The following DCC variants were observed in gnomAD, a reference collection of about 807,000 sequenced individuals.
DCC encodes the protein netrin receptor DCC.
DCC carries 58 observed loss-of-function variants against 172.5 expected under a neutral mutation model. The observed-to-expected ratio is 0.34, with a 90% CI of 0.27 to 0.42. The LOEUF is 0.42. Among genes scored for constraint, DCC ranks in the 10% least tolerant of loss-of-function variants. The pLI, the probability that DCC is intolerant of heterozygous loss-of-function variation, is 1.00. For missense variants in DCC, 1,740 were observed against 1,791.0 expected (o/e 0.97, Z 0.51); for synonymous variants, 709 against 644.5 (o/e 1.10, Z -1.52).
chr18:53,253,649 A>T (rs538257956), intron 12 of DCC, among the ~76,000 whole-genome samples: 1 of 152,216 alleles, frequency 6.6e-6, no homozygotes, highest in Admixed American at 6.6e-5. Flanking sequence ...TCTGTCAATT[A>T]TGTCATATTG....
At chr18:52,652,711 A>AGTGTGTGTGTGTGTGTGTGTGTGTGTGT (rs71175513) in intron 1 of DCC, among the ~76,000 whole-genome samples, 55 of 143,438 alleles carry the variant, frequency 3.8e-4, no homozygotes, top group African/African-American at 1.4e-3. Context: ...ACTGCAATAA[A>AGTGTGTGTGTGTGTGTGTGTGTGTGTGT]GTGTGTGTGT....
intron 15 of DCC, among the ~76,000 whole-genome samples, chr18:53,352,833 C>T (rs2057828561): frequency 1.3e-5 from 2 of 151,948 alleles, no homozygotes; most frequent in African/African-American, 4.8e-5. Context: ...GAATTTTTTT[C>T]TAAGTTTCTG....
At chr18:52,780,268 G>T (rs76093543) in intron 2 of DCC, among the ~76,000 whole-genome samples, 8,045 of 152,134 alleles carry the variant, frequency 0.053, 285 homozygotes, top group South Asian at 0.16. Flanking sequence ...GCTCAATTCT[G>T]TGCAATTCTA....
At chr18:52,637,080 A>C (rs2034795567) in intron 1 of DCC, among the ~76,000 whole-genome samples, 2 of 152,172 alleles carry the variant, frequency 1.3e-5, no homozygotes, top group African/African-American at 4.8e-5. Flanking sequence ...CAATCACTAC[A>C]TTTTGGCTCA....
chr18:52,774,156 A>G (rs955638707), intron 2 of DCC, among the ~76,000 whole-genome samples: 3 of 152,232 alleles, frequency 2.0e-5, no homozygotes, highest in Non-Finnish European at 4.4e-5. Context: ...ATCATCTGGG[A>G]ACTTGTTAAA....
At chr18:53,306,348 C>G (rs73957145) in intron 13 of DCC, among the ~76,000 whole-genome samples, 1 of 152,060 alleles carries the variant, frequency 6.6e-6, no homozygotes, top group Non-Finnish European at 1.5e-5. Context: ...TCCTAGAAAA[C>G]AGAATGAGGC....
chr18:53,535,740 A>G lies in DCC; in HGVS notation c.*5087A>G, dbSNP rs1255898599. The G allele has an allele frequency of 2.6e-5, 4 of 152,242 alleles. No homozygotes were observed. The highest frequency in any genetic ancestry group is 6.5e-5 in the Admixed American group (1 of 15,290). The allele number at this position is 152,242 out of a possible 1,614,324, so 9.4% of individuals were successfully genotyped here. A position where few individuals can be genotyped will look rare whatever the true frequency, so the allele number is the denominator to read the frequency against. The stretch of plus-strand genomic sequence containing the variant: ...TCTACAAGAAAGGAAACTTGCTTAC[A>G]GTTTAAAACAATGACTGTTTCTACA... On this transcript the variant is annotated 3_prime_UTR_variant, in exon 29 of 29. Coordinates refer to ENST00000442544, the MANE Select transcript of DCC (RefSeq NM_005215.4).
chr18:52,955,042 C>A (rs1200870882), intron 5 of DCC, among the ~76,000 whole-genome samples: 1 of 152,086 alleles, frequency 6.6e-6, no homozygotes. Flanking sequence ...ATCAATAAAC[C>A]TATATTGAGA....
intron 7 of DCC, among the ~76,000 whole-genome samples, chr18:53,083,497 TTAGATTCATC>T (rs2042835135): frequency 6.6e-6 from 1 of 152,178 alleles, no homozygotes; most frequent in Non-Finnish European, 1.5e-5. Flanking sequence ...TGACTATTTG[TTAGATTCATC>T]TAAGGAACAG....
intron 12 of DCC, among the ~76,000 whole-genome samples, chr18:53,265,052 G>A (rs1337210252): frequency 6.6e-6 from 1 of 152,260 alleles, no homozygotes; most frequent in Middle Eastern, 3.4e-3. Context: ...GAAAGCAACC[G>A]TACACTTTTG....
At chr18:52,400,620 T>C (rs950078707) in intron 1 of DCC, among the ~76,000 whole-genome samples, 1 of 152,078 alleles carries the variant, frequency 6.6e-6, no homozygotes, top group Non-Finnish European at 1.5e-5. Context: ...TTATAAATCA[T>C]TCTACTATAA....
intron 22 of DCC, among the ~76,000 whole-genome samples, chr18:53,447,120 C>T (rs528979222): frequency 2.6e-5 from 4 of 152,276 alleles, no homozygotes; most frequent in Non-Finnish European, 5.9e-5. Flanking sequence ...ACAGTGTGAT[C>T]AGAGGCTCAC....
chr18:52,578,383 G>A (rs755579410), intron 1 of DCC, among the ~76,000 whole-genome samples: 17 of 152,270 alleles, frequency 1.1e-4, no homozygotes, highest in Non-Finnish European at 1.8e-4. Context: ...GGAGTCAAAC[G>A]TACGCTGCAT....
intron 5 of DCC, among the ~76,000 whole-genome samples, chr18:53,026,028 G>T (rs1424280822): frequency 1.3e-5 from 2 of 151,900 alleles, no homozygotes; most frequent in African/African-American, 4.8e-5. Flanking sequence ...TTCCAATTCA[G>T]CTTGGAGGAT....
chr18:53,377,911 C>T lies in DCC; in HGVS notation c.2360-8132C>T, dbSNP rs1907423260. Among the ~76,000 whole-genome samples the T allele has an allele frequency of 2.6e-5, 4 of 152,328 alleles. No individual in the cohort carries two copies. In the South Asian group the frequency reaches 6.2e-4, roughly 24 times the overall value. Reference sequence around the variant, plus strand: ...AGATTCAGCAAAACTGCCACCTTCACAGAGAATGCTCTCTGATTCCAGAAG... The same window carrying T: ...AGATTCAGCAAAACTGCCACCTTCATAGAGAATGCTCTCTGATTCCAGAAG... On this transcript the variant is annotated intron_variant, in intron 15 of 28. Coordinates refer to ENST00000442544, the MANE Select transcript of DCC (RefSeq NM_005215.4).
intron 5 of DCC, among the ~76,000 whole-genome samples, chr18:52,990,184 G>C (rs535405821): frequency 2.4e-4 from 37 of 152,244 alleles, no homozygotes; most frequent in Admixed American, 5.9e-4. Context: ...TTCCTAAGCA[G>C]TGATCTTTTC....
intron 7 of DCC, among the ~76,000 whole-genome samples, chr18:53,125,530 T>A (rs921735553): frequency 6.6e-6 from 1 of 152,132 alleles, no homozygotes; most frequent in African/African-American, 2.4e-5. Context: ...ACTCATCTTA[T>A]AGGTCTTCCC....
intron 7 of DCC, among the ~76,000 whole-genome samples, chr18:53,097,243 A>C (rs1320558152): frequency 6.6e-6 from 1 of 152,166 alleles, no homozygotes; most frequent in Non-Finnish European, 1.5e-5. Flanking sequence ...AAAGCATTGA[A>C]AGGTGTAAAT....
chr18:53,341,901 T>A (rs1342816717), intron 15 of DCC, among the ~76,000 whole-genome samples: 1 of 152,096 alleles, frequency 6.6e-6, no homozygotes, highest in Non-Finnish European at 1.5e-5. Flanking sequence ...ATTTATAACT[T>A]TTTTTAATTT....
Sources: gnomAD v4.1 joint callset for allele counts (sites outside exome capture counted in the v4.1 genomes callset) on GRCh38, gnomAD v4.1.1 for gene constraint, MANE v1.5 for transcripts, NCBI Gene and HGNC (gene_info 2026-07-23, HGNC 2026-07-21) for gene names.